The following TG variants were observed in gnomAD, a reference collection of about 807,000 sequenced individuals.
TG encodes the protein thyroid hormones.
In TG, 270 loss-of-function variants were observed where a neutral mutation model predicts 324.7. The ratio of observed to expected loss-of-function variants is 0.83; its 90% CI spans 0.75 to 0.92. The LOEUF (loss-of-function observed/expected upper bound fraction) is 0.92. Among genes scored for constraint, TG ranks in the 40% least tolerant of loss-of-function variants. The pLI, the probability that TG is intolerant of heterozygous loss-of-function variation, is 0.00. For missense variants in TG, 3,591 were observed against 3,456.4 expected, an observed-to-expected ratio of 1.04 and a Z score of -0.98; for synonymous variants, 1,401 against 1,327.0, an observed-to-expected ratio of 1.06 and a Z score of -1.21.
intron 34 of TG, among the ~76,000 whole-genome samples, chr8:132,978,776 C>T (rs1485545644): frequency 6.6e-6 from 1 of 152,206 alleles, no homozygotes; most frequent in Non-Finnish European, 1.5e-5. Context: ...ACAGATCTCA[C>T]AGCCTCAGAG....
chr8:132,982,799 C>T (rs773244749), intron 34 of TG, among the ~76,000 whole-genome samples: 1 of 152,172 alleles, frequency 6.6e-6, no homozygotes, highest in African/African-American at 2.4e-5. Flanking sequence ...AGTGCCTTGC[C>T]CAGTTCACAG....
rs778949964 is a variant in TG, at chr8:132,908,342, T to C, written c.4002+2T>C. 1 of 1,539,660 alleles carries C rather than the reference T, an allele frequency of 6.5e-7. No individual in the cohort carries two copies. The highest frequency in any genetic ancestry group is 1.1e-5 in the South Asian group (1 of 88,346). ...GCCCGCGGCTTCTGCCAGATCCAGG[T>C]ACATGCCTGGCCTTCCCCACAGTGA... is the stretch of plus-strand genomic sequence containing the variant. On this transcript the variant is annotated splice_donor_variant, in intron 18 of 47. Coordinates refer to ENST00000220616, the MANE Select transcript of TG (RefSeq NM_003235.5). LOFTEE classifies it high-confidence loss of function.
At chr8:133,109,140 TG>T (rs1265565390) in intron 43 of TG, among the ~76,000 whole-genome samples, 2 of 152,198 alleles carry the variant, frequency 1.3e-5, no homozygotes, top group African/African-American at 4.8e-5. Flanking sequence ...AACCATTATC[TG>T]TCCTGTTTCC....
intron 19 of TG, 72 bp from the exon 20 acceptor site, chr8:132,912,974 TG>T: frequency 7.0e-7 from 1 of 1,425,224 alleles, no homozygotes; most frequent in Non-Finnish European, 9.8e-7. Context: ...TAGGCATCTC[TG>T]CCCTGCTTAA....
chr8:133,107,016 G>C (rs1849861354), intron 43 of TG, among the ~76,000 whole-genome samples: 1 of 152,202 alleles, frequency 6.6e-6, no homozygotes, highest in Non-Finnish European at 1.5e-5. Context: ...CTGCCTTGCT[G>C]ATTTTCTTTT....
At position 133,133,480 on chromosome 8, in the gene TG, T is replaced by A. The variant is rs778559501; in HGVS notation, c.8008T>A (p.Tyr2670Asn). ...SHFIRSGNPN[Y>N]PYEFSRKVPT... ...TTCTCATTTGCCCAGAAATCCCAAC[T>A]ACCCTTATGAGTTCTCACGGAAAGT... is the stretch of plus-strand genomic sequence containing the variant. Residue 2670 changes from tyrosine to asparagine, a missense_variant, in exon 47 of 48, where the codon TAC becomes AAC. Transcript: ENST00000220616. 1 of 1,614,194 alleles carries A rather than the reference T, an allele frequency of 6.2e-7. No individual in the cohort carries two copies. Among genetic ancestry groups the A allele is most frequent in the South Asian group, 1.1e-5 (1 of 91,090 alleles).
intron 28 of TG, among the ~76,000 whole-genome samples, chr8:132,962,749 C>T (rs530715523): frequency 6.6e-5 from 10 of 152,218 alleles, no homozygotes; most frequent in African/African-American, 2.2e-4. Context: ...TTTGTTAACT[C>T]GAAAGGGCTT....
chr8:133,033,979 G>A (rs1358016445), intron 41 of TG, among the ~76,000 whole-genome samples: 2 of 152,210 alleles, frequency 1.3e-5, no homozygotes, highest in Non-Finnish European at 2.9e-5. Flanking sequence ...ACAGTGCTGA[G>A]TTCCACTAAA....
intron 43 of TG, among the ~76,000 whole-genome samples, chr8:133,107,471 A>G (rs1339486828): frequency 6.6e-6 from 1 of 152,176 alleles, no homozygotes; most frequent in Non-Finnish European, 1.5e-5. Flanking sequence ...CTGTAATTAC[A>G]GCTTGTGGAA....
In TG at chr8:132,956,120, A is replaced by G. The variant is rs191577957; in HGVS notation, c.5402-4888A>G. On this transcript the variant is annotated intron_variant, in intron 27 of 47. Coordinates refer to ENST00000220616, the MANE Select transcript of TG (RefSeq NM_003235.5). ...TGCATTCTGTGTACCTTCTTATTCT[A>G]TTCTATTAGGGAAATTTTGGGGAAT... Among the ~76,000 whole-genome samples the G allele has an allele frequency of 5.9e-5, 9 of 152,310 alleles. No individual in the cohort carries two copies. The East Asian group carries it at 1.7e-3, about 29-fold the overall frequency.
Position 132,974,882 on chromosome 8 carries a change from T to C in TG, c.6199+2141T>C, listed in dbSNP as rs536576239. The stretch of plus-strand genomic sequence containing the variant: ...GTGCCTCAACTTCATGGAAGATGTT[T>C]CTGGAGTTAATTATTACCAGTTTGA... On this transcript the variant is annotated intron_variant, in intron 34 of 47. Transcript: ENST00000220616. Among the ~76,000 whole-genome samples, 9 of 152,300 alleles carry C rather than the reference T, an allele frequency of 5.9e-5. No individual in the cohort carries two copies. The South Asian group carries it at 1.9e-3, about 32-fold the overall frequency.
chr8:132,882,660 C>G, intron 7 of TG, 48 bp downstream of exon 7: 3 of 1,614,078 alleles, frequency 1.9e-6, no homozygotes, highest in Non-Finnish European at 2.5e-6. Flanking sequence ...TAGGGGGACG[C>G]CTCTTGGGTT....
chr8:132,872,503 G>A (rs1839588535), intron 4 of TG, among the ~76,000 whole-genome samples: 1 of 139,260 alleles, frequency 7.2e-6, no homozygotes, highest in South Asian at 2.3e-4. Context: ...AAAAAAAAAT[G>A]TTGCAGTAAG....
At chr8:133,099,748 T>A (rs1177012107) in intron 43 of TG, among the ~76,000 whole-genome samples, 1 of 152,164 alleles carries the variant, frequency 6.6e-6, no homozygotes, top group African/African-American at 2.4e-5. Context: ...GACACTGCTC[T>A]CTCATACCCT....
chr8:132,901,766 G>A (rs1817964159), intron 16 of TG, among the ~76,000 whole-genome samples: 1 of 152,090 alleles, frequency 6.6e-6, no homozygotes, highest in Non-Finnish European at 1.5e-5. Context: ...AAAGAGCCTG[G>A]GCAGGGAACC....
At chr8:132,933,493 A>T (rs1587464975) in intron 23 of TG, 68 bp from the exon 24 acceptor site, 2 of 1,227,216 alleles carry the variant, frequency 1.6e-6, no homozygotes, top group East Asian at 4.7e-5. Context: ...GGGCAGGGGG[A>T]TGTGTCTGCT....
rs200951161 is a variant in TG, at chr8:133,022,180, G to A, written c.7036+30G>A. 6.4e-5 allele frequency: 103 copies of A among 1,613,662 alleles called. No homozygotes were observed. The East Asian group carries it at 2.0e-3, about 31-fold the overall frequency. On this transcript the variant is annotated intron_variant, in intron 40 of 47. Transcript: ENST00000220616. ...GTTGCTGCCTCTGGTGGGAGCTGCTGACCCCCTGAGCCAAGGCTCAGCCCC... is the reference window on the plus strand; with the variant it reads ...GTTGCTGCCTCTGGTGGGAGCTGCTAACCCCCTGAGCCAAGGCTCAGCCCC...
chr8:132,953,676 C>T (rs1826429557), intron 27 of TG, among the ~76,000 whole-genome samples: 2 of 152,162 alleles, frequency 1.3e-5, no homozygotes, highest in African/African-American at 4.8e-5. Flanking sequence ...GCACCTTTTG[C>T]TGTGAGGTTT....
At chr8:133,045,515 C>T (rs2131154160) in intron 41 of TG, among the ~76,000 whole-genome samples, 1 of 151,492 alleles carries the variant, frequency 6.6e-6, no homozygotes, top group East Asian at 1.9e-4. Context: ...CCACCTCAGC[C>T]TCCAGAGTAG....
Sources: gnomAD v4.1 joint callset for allele counts (sites outside exome capture counted in the v4.1 genomes callset) on GRCh38, gnomAD v4.1.1 for gene constraint, MANE v1.5 for transcripts, NCBI Gene and HGNC (gene_info 2026-07-23, HGNC 2026-07-21) for gene names.